TNRC6B: variants seen among roughly 807,000 people sequenced by gnomAD.
TNRC6B encodes the protein trinucleotide repeat containing adaptor 6B, also known as trinucleotide repeat-containing gene 6B protein.
A neutral mutation model predicts 203.6 loss-of-function variants in TNRC6B; 52 were observed. The observed-to-expected ratio is 0.26, with a 90% CI of 0.20 to 0.32. The LOEUF is 0.32. Among genes scored for constraint, TNRC6B ranks in the 10% least tolerant of loss-of-function variants. The probability of loss-of-function intolerance (pLI) is 1.00; values close to 1 mark genes in which losing one functional copy is unlikely to be tolerated. For synonymous variants in TNRC6B, 838 were observed against 845.7 expected, an observed-to-expected ratio of 0.99 and a Z score of 0.16; for missense variants, 1,923 against 2,286.2, an observed-to-expected ratio of 0.84 and a Z score of 3.24.
chr22:40,315,957 A>T lies in TNRC6B; in HGVS notation c.4919A>T (p.Asp1640Val), dbSNP rs776196874. ...SRLASASTWS[D>V]GGSVRPSYWL... ...TTGCTCATAGCCTCTACCTGGAGTG[A>T]TGGTGGCTCAGTTCGTCCTAGTTAC... Residue 1640 changes from aspartate (D) to valine (V), a missense_variant, in exon 21 of 23, where the codon GAT (aspartate) becomes GTT (valine). Physicochemically the swap from Asp to Val is radical, Grantham distance 152. This residue lies in a region of TNRC6B where 159 missense variants were observed against 181.0 expected (regional missense o/e 0.88). Transcript: ENST00000454349. 3 of 1,613,814 alleles carry T rather than the reference A, an allele frequency of 1.9e-6. No individual in the cohort carries two copies. Among genetic ancestry groups the T allele is most frequent in the Non-Finnish European group, 2.5e-6 (3 of 1,179,832 alleles).
chr22:40,177,221 A>C (rs567011044), upstream of TNRC6B, among the ~76,000 whole-genome samples: 2 of 152,296 alleles, frequency 1.3e-5, no homozygotes, highest in South Asian at 4.1e-4. Flanking sequence ...GGGATTAAAG[A>C]TGACTCAGAC....
intron 16 of TNRC6B, among the ~76,000 whole-genome samples, 180 bp downstream of exon 16, chr22:40,308,829 T>C (rs1197570815): frequency 6.6e-6 from 1 of 152,236 alleles, no homozygotes; most frequent in Non-Finnish European, 1.5e-5. Context: ...AAGTACTAGT[T>C]CTAATTAAAG....
At chr22:40,047,453 A>AAG (rs2067700230) in intron 1 of TNRC6B, among the ~76,000 whole-genome samples, 1 of 151,998 alleles carries the variant, frequency 6.6e-6, no homozygotes, top group African/African-American at 2.4e-5. Flanking sequence ...AATACAAAAA[A>AAG]TTAGCCGGGC....
At chr22:40,209,559 G>T (rs543814104) in intron 1 of TNRC6B, among the ~76,000 whole-genome samples, 10 of 152,166 alleles carry the variant, frequency 6.6e-5, no homozygotes, top group Non-Finnish European at 1.5e-4. Flanking sequence ...CAGAATGGTG[G>T]CATTCTTACG....
chr22:40,239,717 T>C (rs8141661), intron 1 of TNRC6B, among the ~76,000 whole-genome samples: 49,531 of 152,158 alleles, frequency 0.33, 9,683 homozygotes, highest in East Asian at 0.57. Context: ...TTCTGGGATG[T>C]AGCCGGTTCC....
intron 1 of TNRC6B, among the ~76,000 whole-genome samples, chr22:40,200,278 CTTTTT>C (rs59067007): frequency 0.031 from 2,324 of 75,482 alleles, 39 homozygotes; most frequent in African/African-American, 0.12. Context: ...AAGTAATATT[CTTTTT>C]TTTTTTTTTT....
intron 3 of TNRC6B, among the ~76,000 whole-genome samples, chr22:40,255,006 G>T (rs779123183): frequency 6.6e-6 from 1 of 152,226 alleles, no homozygotes; most frequent in Non-Finnish European, 1.5e-5. Flanking sequence ...ACCTTGTGGA[G>T]TTCGGGCCAG....
chr22:40,240,906 TC>T (rs1209377272), intron 1 of TNRC6B, among the ~76,000 whole-genome samples: 1 of 152,198 alleles, frequency 6.6e-6, no homozygotes, highest in Non-Finnish European at 1.5e-5. Flanking sequence ...CACTGCAGCC[TC>T]AGCTTCCTGG....
intron 21 of TNRC6B, among the ~76,000 whole-genome samples, chr22:40,317,198 T>G (rs941599792): frequency 6.6e-6 from 1 of 152,252 alleles, no homozygotes; most frequent in Non-Finnish European, 1.5e-5. Context: ...TTTCTCCCTC[T>G]TAAAACATAT....
chr22:40,312,589 G>A lies in TNRC6B; in HGVS notation c.4520G>A (p.Gly1507Glu). 1 of 1,613,988 alleles carries A rather than the reference G, an allele frequency of 6.2e-7. No homozygotes were observed. The highest frequency in any genetic ancestry group is 8.5e-7 in the Non-Finnish European group (1 of 1,180,008). The change falls in exon 18 of 23, where the codon GGG becomes GAG. Residue 1507 changes from glycine (G) to glutamate (E), a missense_variant. Gly to Glu is a moderately conservative substitution (Grantham distance 98, BLOSUM62 -2). Coordinates refer to ENST00000454349, the MANE Select transcript of TNRC6B (RefSeq NM_001162501.2). ...TATGTCACCCCAGGAAGTGTGCTGG[G>A]GGGTACAGCCACATCTCCCATTGTA... is the stretch of plus-strand genomic sequence containing the variant. The part of the protein sequence containing the change: ...DPYVTPGSVL[G>E]GTATSPIVDT...
intron 14 of TNRC6B, 41 bp downstream of exon 14, chr22:40,301,046 G>C (rs1262747488): frequency 6.3e-7 from 1 of 1,595,582 alleles, no homozygotes; most frequent in Non-Finnish European, 8.5e-7. Context: ...TGTGTTGGAG[G>C]AGTACATCCC....
chr22:40,303,651 C>G (rs921866776), intron 15 of TNRC6B, among the ~76,000 whole-genome samples: 2 of 152,102 alleles, frequency 1.3e-5, no homozygotes, highest in African/African-American at 4.8e-5. Context: ...GTGGCTCACA[C>G]CTGTAATCCC....
chr22:40,213,380 C>G (rs139958404), intron 1 of TNRC6B, among the ~76,000 whole-genome samples: 1 of 152,032 alleles, frequency 6.6e-6, no homozygotes, highest in South Asian at 2.1e-4. Flanking sequence ...GCAGTGACCC[C>G]GGGAAAAGAG....
chr22:40,205,456 G>T (rs141643401), intron 1 of TNRC6B, among the ~76,000 whole-genome samples: 2 of 152,232 alleles, frequency 1.3e-5, no homozygotes, highest in African/African-American at 4.8e-5. Flanking sequence ...TGTAATTACT[G>T]AAAATCACTA....
chr22:40,156,519 T>C (rs1341361760), intron 4 of TNRC6B, among the ~76,000 whole-genome samples: 1 of 152,208 alleles, frequency 6.6e-6, no homozygotes, highest in Non-Finnish European at 1.5e-5. Flanking sequence ...CTCAGTATTG[T>C]CTTTCTGAAG....
chr22:40,301,172 TGCAGCAGCA>T lies in TNRC6B; in HGVS notation c.3976_3984del (p.Gln1326_Gln1328del), dbSNP rs139908. ...CAGCTGGCTCGAATGGTGAGTGCACTGCAGCAGCAGCAGCAGCAGCAGCAGAGGCAGCCA... is the reference window on the plus strand; with the variant it reads ...CAGCTGGCTCGAATGGTGAGTGCACTGCAGCAGCAGCAGCAGAGGCAGCCA... On this transcript the variant is annotated inframe_deletion, in exon 15 of 23. Transcript: ENST00000454349. 9.1e-6 allele frequency: 14 copies of T among 1,545,872 alleles called. No homozygotes were observed. The highest frequency in any genetic ancestry group is 2.0e-5 in the Admixed American group (1 of 50,862).
rs543636294 is a variant in TNRC6B at position 40,278,886 on chromosome 22, G to A, written c.3262+842G>A. Among the ~76,000 whole-genome samples, 6 of 152,318 alleles carry A rather than the reference G, an allele frequency of 3.9e-5. 1 individual carries two copies. In the South Asian group the frequency reaches 6.2e-4, roughly 16 times the overall value. ...CTCCTGAGTAGCTGGGATCACAGGC[G>A]TGTGCCGCCACGCACAGCTAATTTT... On this transcript the variant is annotated intron_variant, in intron 9 of 22. Transcript: ENST00000454349.
In TNRC6B at chr22:40,332,938, T is replaced by G. The variant is rs1441301451; in HGVS notation, c.*9697T>G. On this transcript the variant is annotated 3_prime_UTR_variant, in exon 23 of 23. Transcript: ENST00000454349. ...GCCATCAGAAGTTTCAGATCTTTACTCTTTCATGTTTAAGAAGAAAGAGCA... is the reference window on the plus strand; with the variant it reads ...GCCATCAGAAGTTTCAGATCTTTACGCTTTCATGTTTAAGAAGAAAGAGCA... 1 of 152,590 alleles carries G rather than the reference T, an allele frequency of 6.6e-6. No individual in the cohort carries two copies. Among genetic ancestry groups the G allele is most frequent in the Non-Finnish European group, 1.5e-5 (1 of 68,048 alleles). 9.5% of individuals were successfully genotyped at this position (152,590 alleles called of 1,614,324 possible).
At chr22:40,228,347 T>C (rs1465441545) in intron 1 of TNRC6B, among the ~76,000 whole-genome samples, 1 of 150,866 alleles carries the variant, frequency 6.6e-6, no homozygotes, top group Non-Finnish European at 1.5e-5. Context: ...GGAGAATCGC[T>C]TGAACCCGGG....
Sources: gnomAD v4.1 joint callset for allele counts (sites outside exome capture counted in the v4.1 genomes callset) on GRCh38, gnomAD v4.1.1 for gene constraint, gnomAD v4.1.1 regional missense constraint, MANE v1.5 for transcripts, NCBI Gene and HGNC (gene_info 2026-07-23, HGNC 2026-07-21) for gene names.